The following SLX4IP variants were observed in gnomAD, a reference collection of about 807,000 sequenced individuals.
SLX4IP encodes the protein protein SLX4IP.
A neutral mutation model predicts 32.9 loss-of-function variants in SLX4IP; 34 were observed. The ratio of observed to expected loss-of-function variants is 1.03; its 90% CI spans 0.79 to 1.38. SLX4IP has a LOEUF of 1.38. SLX4IP is among the 40% of genes most tolerant of loss of function. SLX4IP has a pLI of 0.00. For synonymous variants in SLX4IP, 172 were observed against 171.7 expected (o/e 1.00, Z -0.01); for missense variants, 444 against 479.0 (o/e 0.93, Z 0.68).
intron 2 of SLX4IP, among the ~76,000 whole-genome samples, chr20:10,554,309 T>C (rs891953955): frequency 2.6e-5 from 4 of 152,210 alleles, no homozygotes; most frequent in African/African-American, 9.6e-5. Context: ...AGTGTTCCCT[T>C]GCATGAATAT....
chr20:10,473,255 C>G (rs1330520533), intron 2 of SLX4IP, among the ~76,000 whole-genome samples: 1 of 152,152 alleles, frequency 6.6e-6, no homozygotes, highest in African/African-American at 2.4e-5. Context: ...ATGGTTGAAA[C>G]CACTGGGGTC....
intron 1 of SLX4IP, among the ~76,000 whole-genome samples, chr20:10,441,417 A>G (rs1473395512): frequency 6.6e-6 from 1 of 152,156 alleles, no homozygotes; most frequent in Non-Finnish European, 1.5e-5. Context: ...AGCCCGGGCA[A>G]CAGACCGAGA....
chr20:10,478,098 C>T (rs6032884), intron 2 of SLX4IP, among the ~76,000 whole-genome samples: 75 of 152,076 alleles, frequency 4.9e-4, no homozygotes, highest in African/African-American at 1.8e-3. Flanking sequence ...GGGGTTTCAC[C>T]GTGTTGCCCA....
At chr20:10,448,063 CAGATACCT>C (rs925246922) in intron 1 of SLX4IP, among the ~76,000 whole-genome samples, 2 of 144,094 alleles carry the variant, frequency 1.4e-5, no homozygotes, top group African/African-American at 5.0e-5. Context: ...TTGCACTCCT[CAGATACCT>C]CACTTGATTC....
intron 4 of SLX4IP, among the ~76,000 whole-genome samples, chr20:10,597,842 T>C (rs2066789728): frequency 6.6e-6 from 1 of 152,240 alleles, no homozygotes; most frequent in Non-Finnish European, 1.5e-5. Context: ...TCCTGCATTC[T>C]TGCCAACACT....
intron 2 of SLX4IP, among the ~76,000 whole-genome samples, chr20:10,479,616 T>C (rs1473153488): frequency 4.5e-5 from 5 of 111,186 alleles, no homozygotes; most frequent in Admixed American, 1.0e-4. Context: ...CCCAAAGTCC[T>C]GGGATTACAG....
In SLX4IP at chr20:10,598,742, A is replaced by T. The variant is rs1439578802; in HGVS notation, c.306A>T (p.Thr102=). 6.2e-7 allele frequency: 1 copy of T among 1,614,086 alleles called. No homozygotes were observed. The highest frequency in any genetic ancestry group is 1.1e-5 in the South Asian group (1 of 91,080). The change falls in exon 5 of 8, where the codon ACA becomes ACT. Residue 102 remains threonine (T), a synonymous_variant. Transcript: ENST00000334534. ...RGIRLRCIRS[T]QNAELCVFPD... Reference sequence around the variant, plus strand: ...TACGCCTTCGCTGCATCAGGAGCACACAGAATGCTGGTAAGAAGCCGATTT... The same window carrying T: ...TACGCCTTCGCTGCATCAGGAGCACTCAGAATGCTGGTAAGAAGCCGATTT...
chr20:10,576,135 A>G (rs1361038819), intron 4 of SLX4IP, among the ~76,000 whole-genome samples: 2 of 152,186 alleles, frequency 1.3e-5, no homozygotes, highest in South Asian at 2.1e-4. Flanking sequence ...ATAACCTACA[A>G]TTGTGAAGTT....
chr20:10,481,095 T>A (rs8183614), intron 2 of SLX4IP, among the ~76,000 whole-genome samples: 6 of 134,064 alleles, frequency 4.5e-5, no homozygotes, highest in Non-Finnish European at 8.1e-5. Flanking sequence ...TTTTTTTTTT[T>A]AAATTTTGAT....
intron 1 of SLX4IP, among the ~76,000 whole-genome samples, chr20:10,454,570 C>T (rs77382058): frequency 0.035 from 5,269 of 152,270 alleles, 116 homozygotes; most frequent in Non-Finnish European, 0.051. Flanking sequence ...TGGCTGAGCA[C>T]AGTAAAGGGG....
At chr20:10,598,125 G>A (rs191599903) in intron 4 of SLX4IP, among the ~76,000 whole-genome samples, 76 of 152,186 alleles carry the variant, frequency 5.0e-4, no homozygotes, top group Non-Finnish European at 9.3e-4. Context: ...CATTTATTTC[G>A]TTTTACAGTT....
intron 4 of SLX4IP, among the ~76,000 whole-genome samples, chr20:10,577,534 A>G (rs2066535753): frequency 6.6e-6 from 1 of 151,866 alleles, no homozygotes; most frequent in Admixed American, 6.6e-5. Flanking sequence ...TGGGCAACAT[A>G]ACAAGGTTCT....
intron 4 of SLX4IP, among the ~76,000 whole-genome samples, chr20:10,595,726 T>C (rs1423061209): frequency 6.6e-6 from 1 of 152,232 alleles, no homozygotes; most frequent in African/African-American, 2.4e-5. Context: ...AGCAATAATT[T>C]TCTCTGTTTA....
intron 6 of SLX4IP, among the ~76,000 whole-genome samples, chr20:10,602,239 C>T (rs1424554467): frequency 6.6e-6 from 1 of 152,138 alleles, no homozygotes; most frequent in Non-Finnish European, 1.5e-5. Flanking sequence ...AGAACCAGTA[C>T]TTTTCCCCAG....
intron 3 of SLX4IP, among the ~76,000 whole-genome samples, chr20:10,557,995 C>T (rs1275675219): frequency 6.6e-6 from 1 of 152,176 alleles, no homozygotes; most frequent in African/African-American, 2.4e-5. Flanking sequence ...CTGAGCTTGC[C>T]TCTCAAAACC....
intron 2 of SLX4IP, among the ~76,000 whole-genome samples, chr20:10,523,788 A>G (rs1414176219): frequency 2.0e-5 from 3 of 152,280 alleles, no homozygotes; most frequent in African/African-American, 7.2e-5. Flanking sequence ...TGAGCAGACT[A>G]AAAAATCTTT....
chr20:10,549,145 ACTTCT>A (rs762089581), intron 2 of SLX4IP, among the ~76,000 whole-genome samples: 2 of 151,800 alleles, frequency 1.3e-5, no homozygotes. Context: ...ATGTTAGGAG[ACTTCT>A]CTTCTACCCT....
At chr20:10,575,949 G>A (rs1489328609) in intron 4 of SLX4IP, among the ~76,000 whole-genome samples, 1 of 152,070 alleles carries the variant, frequency 6.6e-6, no homozygotes, top group African/African-American at 2.4e-5. Context: ...GAGTGAAGAG[G>A]CCTTGTTTAG....
intron 1 of SLX4IP, among the ~76,000 whole-genome samples, chr20:10,452,342 G>T (rs931984955): frequency 6.6e-6 from 1 of 151,936 alleles, no homozygotes; most frequent in African/African-American, 2.4e-5. Context: ...ACCAGCGTGG[G>T]CAAGATGGTG....
Sources: gnomAD v4.1 joint callset for allele counts (sites outside exome capture counted in the v4.1 genomes callset) on GRCh38, gnomAD v4.1.1 for gene constraint, MANE v1.5 for transcripts, NCBI Gene and HGNC (gene_info 2026-07-23, HGNC 2026-07-21) for gene names.